HSF2BP: variants seen among roughly 807,000 people sequenced by gnomAD.
HSF2BP encodes heat shock factor 2-binding protein.
HSF2BP carries 35 observed loss-of-function variants against 35.0 expected under a neutral mutation model. The observed-to-expected ratio is 1.00, with a 90% CI of 0.76 to 1.32. HSF2BP has a LOEUF of 1.32. Ranked by LOEUF, HSF2BP falls within the 40% of genes most tolerant of loss-of-function variation. The pLI is 0.00. For missense variants in HSF2BP, 326 were observed against 321.7 expected (o/e 1.01, Z -0.10); for synonymous variants, 114 against 117.4 (o/e 0.97, Z 0.18).
intron 7 of HSF2BP, among the ~76,000 whole-genome samples, chr21:43,602,633 C>A (rs1824138220): frequency 6.6e-6 from 1 of 152,192 alleles, no homozygotes; most frequent in Non-Finnish European, 1.5e-5. Flanking sequence ...TTTCTGTAAC[C>A]CTCTACCCTG....
chr21:43,605,537 C>A (rs1299136722), intron 7 of HSF2BP, among the ~76,000 whole-genome samples: 1 of 147,230 alleles, frequency 6.8e-6, no homozygotes, highest in Non-Finnish European at 1.5e-5. Flanking sequence ...AACACACATA[C>A]CCCATACCCT....
intron 7 of HSF2BP, among the ~76,000 whole-genome samples, chr21:43,599,621 T>C (rs1166667612): frequency 2.6e-5 from 4 of 151,704 alleles, no homozygotes; most frequent in Non-Finnish European, 5.9e-5. Flanking sequence ...TGGTGAAACC[T>C]CATCTCTACT....
In HSF2BP at chr21:43,575,415, A is replaced by G. The variant is rs1199889682; in HGVS notation, c.796+16810T>C. Among the ~76,000 whole-genome samples, 4 of 152,338 alleles carry G rather than the reference A, an allele frequency of 2.6e-5. No homozygotes were observed. The East Asian group carries it at 7.7e-4, about 29-fold the overall frequency. Reference sequence around the variant, plus strand: ...TCAGACTCCCTTTAAAAACTTGAGAAGACACTGTAGCTCTTCAATTGCAAG... The same window carrying G: ...TCAGACTCCCTTTAAAAACTTGAGAGGACACTGTAGCTCTTCAATTGCAAG... On this transcript the variant is annotated intron_variant, in intron 8 of 8. Transcript: ENST00000291560.
intron 3 of HSF2BP, among the ~76,000 whole-genome samples, chr21:43,647,928 C>CAAAAAAAAAAAAAAAAAAAAAAAAAAA (rs774339620): frequency 1.3e-5 from 1 of 76,804 alleles, no homozygotes. Flanking sequence ...GACTTCATCT[C>CAAAAAAAAAAAAAAAAAAAAAAAAAAA]AAAAAAAAAA....
intron 3 of HSF2BP, among the ~76,000 whole-genome samples, chr21:43,648,894 A>G (rs2082744778): frequency 1.3e-5 from 2 of 152,234 alleles, no homozygotes; most frequent in Admixed American, 6.5e-5. Context: ...TAAACATTCA[A>G]TTAATATCTC....
At chr21:43,580,890 GAC>G (rs2081718685) in intron 8 of HSF2BP, among the ~76,000 whole-genome samples, 1 of 152,166 alleles carries the variant, frequency 6.6e-6, no homozygotes, top group African/African-American at 2.4e-5. Flanking sequence ...GAATTATGAA[GAC>G]ACATCACTGA....
intron 4 of HSF2BP, among the ~76,000 whole-genome samples, chr21:43,634,605 A>G (rs1472661023): frequency 2.0e-5 from 3 of 152,192 alleles, no homozygotes; most frequent in Non-Finnish European, 4.4e-5. Context: ...TGTTGACCTC[A>G]TAACTTGGAT....
chr21:43,578,019 A>G (rs2081666716), intron 8 of HSF2BP, among the ~76,000 whole-genome samples: 1 of 152,038 alleles, frequency 6.6e-6, no homozygotes, highest in African/African-American at 2.4e-5. Flanking sequence ...TGATAATCCC[A>G]CCACCCTTTG....
At chr21:43,637,244 AAAT>A (rs2082575264) in intron 4 of HSF2BP, among the ~76,000 whole-genome samples, 1 of 152,216 alleles carries the variant, frequency 6.6e-6, no homozygotes, top group South Asian at 2.1e-4. Flanking sequence ...AAAAAAGAAT[AAAT>A]GATGTATGCT....
intron 4 of HSF2BP, among the ~76,000 whole-genome samples, chr21:43,640,468 T>C (rs1443962489): frequency 6.6e-6 from 1 of 152,206 alleles, no homozygotes; most frequent in African/African-American, 2.4e-5. Context: ...ATGGTACAGT[T>C]CCAAGTGTGG....
intron 8 of HSF2BP, among the ~76,000 whole-genome samples, chr21:43,580,321 T>C (rs1395658501): frequency 6.6e-6 from 1 of 152,222 alleles, no homozygotes; most frequent in Non-Finnish European, 1.5e-5. Flanking sequence ...AATTGTATCC[T>C]GACCAGACTA....
chr21:43,612,454 A>C (rs867074988), intron 7 of HSF2BP, among the ~76,000 whole-genome samples: 51 of 152,202 alleles, frequency 3.4e-4, no homozygotes, highest in Middle Eastern at 3.4e-3. Context: ...GATTGAGACC[A>C]TCCTGGCTAA....
chr21:43,648,639 C>T (rs1259780169), intron 3 of HSF2BP, among the ~76,000 whole-genome samples: 4 of 152,220 alleles, frequency 2.6e-5, no homozygotes, highest in African/African-American at 7.2e-5. Context: ...CAATAAACTC[C>T]GAGTCAAAGT....
In HSF2BP at chr21:43,630,297, A is replaced by G. The variant is rs185099237; in HGVS notation, c.574+25T>C. 43 of 1,592,316 alleles carry G rather than the reference A, an allele frequency of 2.7e-5. No individual in the cohort carries two copies. In the African/African-American group the frequency reaches 5.1e-4, roughly 19 times the overall value. ...AGTGGTCTGGAAGCAAACAGGCAAC[A>G]TCTCTCAGGTGCGCCTGCACTTACT... On this transcript the variant is annotated intron_variant, in intron 6 of 8. Transcript: ENST00000291560.
rs373629090 is a variant in HSF2BP, at chr21:43,630,470, T to C, written c.442-16A>G. 8 of 1,606,238 alleles carry C rather than the reference T, an allele frequency of 5.0e-6. No homozygotes were observed. Among genetic ancestry groups the C allele is most frequent in the Non-Finnish European group, 6.8e-6 (8 of 1,177,522 alleles). Reference sequence around the variant, plus strand: ...AAGCTTTATCCTGAAAGTTTGAAAATCAGAGTGTCATATCTTTTTACAGAC... The same window carrying C: ...AAGCTTTATCCTGAAAGTTTGAAAACCAGAGTGTCATATCTTTTTACAGAC... On this transcript the variant is annotated splice_polypyrimidine_tract_variant and intron_variant, in intron 5 of 8. Coordinates refer to ENST00000291560, the MANE Select transcript of HSF2BP (RefSeq NM_007031.2).
intron 2 of HSF2BP, chr21:43,657,855 C>A: frequency 1.0e-6 from 1 of 985,478 alleles, no homozygotes; most frequent in Non-Finnish European, 1.2e-6. Flanking sequence ...AGACCGGGTC[C>A]CCGCGTGGGT....
At chr21:43,648,131 T>C (rs2082734163) in intron 3 of HSF2BP, among the ~76,000 whole-genome samples, 1 of 152,118 alleles carries the variant, frequency 6.6e-6, no homozygotes, top group Non-Finnish European at 1.5e-5. Context: ...CCACCTTCTC[T>C]GTCCATAAGC....
intron 7 of HSF2BP, among the ~76,000 whole-genome samples, 175 bp from the exon 8 acceptor site, chr21:43,592,503 G>C (rs1255644382): frequency 6.6e-6 from 1 of 152,102 alleles, no homozygotes; most frequent in East Asian, 1.9e-4. Context: ...AGGAAAATGG[G>C]AAACTTCAGC....
At chr21:43,653,941 T>G (rs2082831391) in intron 3 of HSF2BP, among the ~76,000 whole-genome samples, 1 of 151,950 alleles carries the variant, frequency 6.6e-6, no homozygotes, top group Non-Finnish European at 1.5e-5. Context: ...TGGGTGTTGG[T>G]GCTCTGGGGA....
Sources: allele counts gnomAD v4.1 joint callset (sites outside exome capture counted in the v4.1 genomes callset), GRCh38; gene constraint gnomAD v4.1.1; transcripts MANE v1.5; gene names NCBI Gene and HGNC (gene_info 2026-07-23, HGNC 2026-07-21).